RIPOR2: variants seen among roughly 807,000 people sequenced by gnomAD.
The protein encoded by RIPOR2 is rho family-interacting cell polarization regulator 2.
A neutral mutation model predicts 114.5 loss-of-function variants in RIPOR2; 39 were observed. The observed-to-expected ratio is 0.34, with a 90% CI of 0.26 to 0.44. The LOEUF (loss-of-function observed/expected upper bound fraction) is 0.44, where lower values mean the gene tolerates loss of function less well. Ranked by LOEUF, RIPOR2 falls within the 20% of genes least tolerant of loss-of-function variation. RIPOR2 has a pLI of 1.00. For synonymous variants in RIPOR2, 445 were observed against 484.4 expected (o/e 0.92, Z 1.07); for missense variants, 1,007 against 1,255.1 (o/e 0.80, Z 2.99).
chr6:24,894,808 T>C (rs1303309285), intron 1 of RIPOR2, among the ~76,000 whole-genome samples: 3 of 152,176 alleles, frequency 2.0e-5, no homozygotes, highest in Non-Finnish European at 4.4e-5. Flanking sequence ...ATCTTTGCTA[T>C]TCAGAGAGTA....
intron 8 of RIPOR2, among the ~76,000 whole-genome samples, chr6:24,856,552 C>A (rs1231552634): frequency 6.6e-6 from 1 of 152,052 alleles, no homozygotes; most frequent in Middle Eastern, 3.2e-3. Context: ...GTCAGGAGTT[C>A]GTGACCAGCC....
chr6:25,000,298 T>C (rs1775244508), intron 1 of RIPOR2, among the ~76,000 whole-genome samples: 1 of 152,204 alleles, frequency 6.6e-6, no homozygotes, highest in Non-Finnish European at 1.5e-5. Flanking sequence ...CACTCCATGC[T>C]GACCACTCGC....
rs192712862 is a variant in RIPOR2 at position 24,935,233 on chromosome 6, G to A, written c.61+605C>T. Among the ~76,000 whole-genome samples, 106 of 150,112 alleles carry A rather than the reference G, an allele frequency of 7.1e-4. 1 individual carries two copies. In the South Asian group the frequency reaches 0.015, roughly 22 times the overall value. On this transcript the variant is annotated intron_variant, in intron 1 of 21. Coordinates refer to ENST00000643898, the MANE Select transcript of RIPOR2 (RefSeq NM_001286445.3). ...TGAGGCAGGAGAATGACTTGAACCCGGGAGACGGAGGTTGCAGTGAGCTGA... is the reference window on the plus strand; with the variant it reads ...TGAGGCAGGAGAATGACTTGAACCCAGGAGACGGAGGTTGCAGTGAGCTGA...
At chr6:25,031,700 TATATATA>T (rs1202236349) in intron 1 of RIPOR2, among the ~76,000 whole-genome samples, 5 of 1,472 alleles carry the variant, frequency 3.4e-3, no homozygotes, top group African/African-American at 6.4e-3. Flanking sequence ...AGGTGGTAGT[TATATATA>T]TATATATATA....
chr6:24,988,532 A>G (rs560662565), intron 1 of RIPOR2, among the ~76,000 whole-genome samples: 61 of 152,332 alleles, frequency 4.0e-4, no homozygotes, highest in Admixed American at 7.2e-4. Flanking sequence ...TCCAATTGGT[A>G]TCTTGTTTCA....
chr6:24,990,815 G>GGT (rs1774776823), intron 1 of RIPOR2, among the ~76,000 whole-genome samples: 1 of 152,184 alleles, frequency 6.6e-6, no homozygotes, highest in Non-Finnish European at 1.5e-5. Flanking sequence ...GGATGGGCCA[G>GGT]GAGAATCCTA....
intron 1 of RIPOR2, among the ~76,000 whole-genome samples, chr6:24,878,608 G>T (rs1381444975): frequency 2.6e-5 from 4 of 152,024 alleles, no homozygotes; most frequent in Non-Finnish European, 4.4e-5. Context: ...GATCACGGTA[G>T]TTTAAACTAC....
chr6:24,942,529 A>G (rs1772189651), intron 1 of RIPOR2, among the ~76,000 whole-genome samples: 1 of 152,188 alleles, frequency 6.6e-6, no homozygotes, highest in Non-Finnish European at 1.5e-5. Context: ...AGTCCCACCA[A>G]CAGTGTAAAA....
At chr6:24,827,064 G>GA (rs1459507921) in intron 18 of RIPOR2, among the ~76,000 whole-genome samples, 1 of 152,050 alleles carries the variant, frequency 6.6e-6, no homozygotes, top group Non-Finnish European at 1.5e-5. Context: ...AACTGCCACT[G>GA]ATGCAAACTG....
At chr6:24,971,258 A>G (rs1321690568) in intron 1 of RIPOR2, among the ~76,000 whole-genome samples, 1 of 152,212 alleles carries the variant, frequency 6.6e-6, no homozygotes, top group African/African-American at 2.4e-5. Context: ...GCCTGCCATC[A>G]TTGCCTTACT....
At chr6:24,852,499 G>T in intron 9 of RIPOR2, 76 bp downstream of exon 9, 1 of 1,117,000 alleles carries the variant, frequency 9.0e-7, no homozygotes, top group Non-Finnish European at 1.3e-6. Context: ...AACTTGAAAA[G>T]CAAAATAATG....
chr6:24,891,662 C>G (rs553197893), intron 1 of RIPOR2, among the ~76,000 whole-genome samples: 5 of 152,312 alleles, frequency 3.3e-5, no homozygotes, highest in African/African-American at 1.2e-4. Context: ...CATATTTGTA[C>G]ATGTGTGAAA....
intron 1 of RIPOR2, among the ~76,000 whole-genome samples, chr6:24,983,016 A>G (rs1219447156): frequency 6.6e-6 from 1 of 152,196 alleles, no homozygotes; most frequent in African/African-American, 2.4e-5. Flanking sequence ...TAAACAATTT[A>G]GGAACTACCT....
chr6:24,856,742 G>A (rs527590657), intron 8 of RIPOR2, among the ~76,000 whole-genome samples: 5 of 152,216 alleles, frequency 3.3e-5, no homozygotes, highest in South Asian at 4.1e-4. Flanking sequence ...GTGACACAGC[G>A]AAACTCTGTC....
At chr6:24,952,074 A>T (rs1297613147) in intron 1 of RIPOR2, among the ~76,000 whole-genome samples, 1 of 152,212 alleles carries the variant, frequency 6.6e-6, no homozygotes, top group East Asian at 1.9e-4. Context: ...GGAGCAACAT[A>T]GGATGACCAC....
intron 1 of RIPOR2, among the ~76,000 whole-genome samples, chr6:24,955,491 G>T (rs1333317539): frequency 1.1e-5 from 1 of 92,110 alleles, no homozygotes; most frequent in Non-Finnish European, 2.7e-5. Flanking sequence ...AAGATCTCTA[G>T]TTAGCCCTTT....
chr6:25,007,854 A>G (rs1179288902), intron 1 of RIPOR2, among the ~76,000 whole-genome samples: 1 of 150,634 alleles, frequency 6.6e-6, no homozygotes, highest in Non-Finnish European at 1.5e-5. Context: ...CTCAAACACA[A>G]CATACCAACA....
chr6:24,907,143 T>A (rs1769081313), intron 1 of RIPOR2, among the ~76,000 whole-genome samples: 1 of 152,190 alleles, frequency 6.6e-6, no homozygotes, highest in African/African-American at 2.4e-5. Context: ...CAAAATAACT[T>A]CCTCTGAGAC....
At chr6:24,989,659 A>C (rs1297860632) in intron 1 of RIPOR2, among the ~76,000 whole-genome samples, 2 of 152,084 alleles carry the variant, frequency 1.3e-5, no homozygotes, top group South Asian at 4.1e-4. Flanking sequence ...GATTGATTTT[A>C]CTCCTTAGAA....
Sources: allele counts gnomAD v4.1 joint callset (sites outside exome capture counted in the v4.1 genomes callset), GRCh38; gene constraint gnomAD v4.1.1; transcripts MANE v1.5; gene names NCBI Gene and HGNC (gene_info 2026-07-23, HGNC 2026-07-21).